IGF1R: variants seen among roughly 807,000 people sequenced by gnomAD.
The protein encoded by IGF1R is insulin-like growth factor 1 receptor.
In IGF1R, 44 loss-of-function variants were observed where a neutral mutation model predicts 144.6. That is an observed-to-expected ratio of 0.30 (90% CI 0.24 to 0.39). The LOEUF is 0.39. IGF1R is among the 10% of genes least tolerant of loss of function. The probability of loss-of-function intolerance (pLI) is 1.00; values close to 1 mark genes in which losing one functional copy is unlikely to be tolerated. For missense variants in IGF1R, 1,355 were observed against 1,833.7 expected (o/e 0.74, Z 4.77); for synonymous variants, 795 against 722.8 (o/e 1.10, Z -1.60).
In IGF1R at chr15:98,829,884, A is replaced by G. The variant is rs534611775; in HGVS notation, c.641-61441A>G. ...CTTTTCTCCGTGTACCTTGTTTTTC[A>G]TTGTAAAACTATTTAATTATGAAAA... On this transcript the variant is annotated intron_variant, in intron 2 of 20. Transcript: ENST00000650285. Among the ~76,000 whole-genome samples the G allele has an allele frequency of 1.9e-4, 29 of 152,310 alleles. 1 individual carries two copies. The South Asian group carries it at 5.4e-3, about 28-fold the overall frequency.
intron 1 of IGF1R, among the ~76,000 whole-genome samples, chr15:98,694,789 G>A (rs1422419736): frequency 6.6e-6 from 1 of 152,228 alleles, no homozygotes; most frequent in South Asian, 2.1e-4. Context: ...CATCAGCACT[G>A]AATAAAGAAT....
intron 2 of IGF1R, among the ~76,000 whole-genome samples, chr15:98,755,743 AAAAAAAAAAAG>A (rs1476056553): frequency 1.4e-4 from 18 of 127,810 alleles, no homozygotes; most frequent in Non-Finnish European, 2.0e-4. Flanking sequence ...AAAAAAAAAA[AAAAAAAAAAAG>A]GCATTACTGC....
At chr15:98,916,448 G>A (rs2015253280) in intron 9 of IGF1R, 11 of 586,138 alleles carry the variant, frequency 1.9e-5, no homozygotes, top group Non-Finnish European at 3.3e-5. Flanking sequence ...TTTTAGTAGA[G>A]ACGGGGTTTC....
At chr15:98,823,086 G>A (rs976677183) in intron 2 of IGF1R, among the ~76,000 whole-genome samples, 1 of 152,198 alleles carries the variant, frequency 6.6e-6, no homozygotes, top group African/African-American at 2.4e-5. Flanking sequence ...TGTGAAGAAA[G>A]TCATACACCA....
chr15:98,693,320 T>C (rs1465771799), intron 1 of IGF1R, among the ~76,000 whole-genome samples: 2 of 152,174 alleles, frequency 1.3e-5, no homozygotes, highest in African/African-American at 4.8e-5. Context: ...AGGGGCAAGA[T>C]TTACCACCCT....
intron 2 of IGF1R, among the ~76,000 whole-genome samples, chr15:98,878,160 G>A (rs1017201169): frequency 1.3e-5 from 2 of 152,246 alleles, no homozygotes; most frequent in African/African-American, 4.8e-5. Context: ...AGTTTTAGGA[G>A]ATGCAGCCAA....
chr15:98,783,506 A>G (rs2059420371), intron 2 of IGF1R, among the ~76,000 whole-genome samples: 1 of 152,134 alleles, frequency 6.6e-6, no homozygotes, highest in African/African-American at 2.4e-5. Context: ...TTATTGCTGA[A>G]TGGTATTCTG....
At chr15:98,828,793 T>TCC in intron 2 of IGF1R, among the ~76,000 whole-genome samples, 1 of 140,480 alleles carries the variant, frequency 7.1e-6, no homozygotes, top group East Asian at 2.1e-4. Flanking sequence ...TTTTTTTTTT[T>TCC]CCTATTTTGG....
chr15:98,872,801 A>G (rs1420292526), intron 2 of IGF1R, among the ~76,000 whole-genome samples: 1 of 152,056 alleles, frequency 6.6e-6, no homozygotes, highest in East Asian at 1.9e-4. Flanking sequence ...GATGAACTTA[A>G]GCATCTTAAA....
In IGF1R at chr15:98,913,105, A is replaced by C. The variant is rs1471109147; in HGVS notation, c.1651A>C (p.Met551Leu). Reference sequence around the variant, plus strand: ...TGCCTGCGGCTCCAACAGCTGGAACATGGTGGACGTGGACCTCCCGCCCAA... The same window carrying C: ...TGCCTGCGGCTCCAACAGCTGGAACCTGGTGGACGTGGACCTCCCGCCCAA... Reference protein sequence around the residue: ...QDACGSNSWNMVDVDLPPNKD... With the variant: ...QDACGSNSWNLVDVDLPPNKD... The change falls in exon 8 of 21, where the codon ATG (methionine) becomes CTG (leucine). Residue 551 changes from methionine (M) to leucine (L), a missense_variant. Transcript: ENST00000650285. 1 of 1,614,242 alleles carries C rather than the reference A, an allele frequency of 6.2e-7. No homozygotes were observed.
In IGF1R at chr15:98,788,148, C is replaced by G. The variant is rs138539121; in HGVS notation, c.640+80041C>G. ...ATGTGGGGTGACCTCCTACACATGC[C>G]CGTATGCTATTGTGTAGGAACAAAT... is the stretch of plus-strand genomic sequence containing the variant. On this transcript the variant is annotated intron_variant, in intron 2 of 20. Transcript: ENST00000650285. Among the ~76,000 whole-genome samples, 277 of 151,318 alleles carry G rather than the reference C, an allele frequency of 1.8e-3. 1 individual carries two copies. The highest frequency in any genetic ancestry group is 5.8e-3 in the South Asian group (28 of 4,794).
At chr15:98,837,596 C>T (rs948179815) in intron 2 of IGF1R, among the ~76,000 whole-genome samples, 6 of 151,840 alleles carry the variant, frequency 4.0e-5, no homozygotes, top group African/African-American at 1.4e-4. Flanking sequence ...AACTCCTGGC[C>T]TCCCACCTCA....
At chr15:98,730,486 C>T (rs970531349) in intron 2 of IGF1R, among the ~76,000 whole-genome samples, 1 of 152,128 alleles carries the variant, frequency 6.6e-6, no homozygotes, top group African/African-American at 2.4e-5. Flanking sequence ...AGGTCCTTTT[C>T]ACCCTGATTT....
intron 1 of IGF1R, among the ~76,000 whole-genome samples, chr15:98,694,546 A>T (rs1482762372): frequency 6.7e-6 from 1 of 149,092 alleles, no homozygotes; most frequent in Non-Finnish European, 1.5e-5. Flanking sequence ...GGTGGGGGGG[A>T]TGCAGGTGCC....
At chr15:98,806,251 G>A (rs537590725) in intron 2 of IGF1R, among the ~76,000 whole-genome samples, 50 of 152,210 alleles carry the variant, frequency 3.3e-4, no homozygotes, top group East Asian at 1.7e-3. Context: ...GGCGAGGTGT[G>A]GGGGGTGGCG....
intron 1 of IGF1R, among the ~76,000 whole-genome samples, chr15:98,652,097 G>A (rs2052383463): frequency 1.3e-5 from 2 of 152,212 alleles, no homozygotes; most frequent in African/African-American, 4.8e-5. Flanking sequence ...CTCTTTGAGT[G>A]TGATGGCAGT....
At chr15:98,779,044 T>A (rs1382447936) in intron 2 of IGF1R, among the ~76,000 whole-genome samples, 14 of 152,232 alleles carry the variant, frequency 9.2e-5, no homozygotes, top group Middle Eastern at 3.2e-3. Flanking sequence ...GTTTTATTCT[T>A]ACTAGCATCA....
intron 1 of IGF1R, among the ~76,000 whole-genome samples, chr15:98,653,120 T>C (rs1266128014): frequency 6.6e-6 from 1 of 152,118 alleles, no homozygotes; most frequent in Non-Finnish European, 1.5e-5. Flanking sequence ...CAACAGGGAT[T>C]CAATCCCGCA....
At chr15:98,883,638 C>T (rs1443170228) in intron 2 of IGF1R, among the ~76,000 whole-genome samples, 1 of 152,186 alleles carries the variant, frequency 6.6e-6, no homozygotes, top group Non-Finnish European at 1.5e-5. Context: ...GAGGCGAGAG[C>T]ATGGTGGCAC....
Sources: allele counts gnomAD v4.1 joint callset (sites outside exome capture counted in the v4.1 genomes callset), GRCh38; gene constraint gnomAD v4.1.1; transcripts MANE v1.5; gene names NCBI Gene and HGNC (gene_info 2026-07-23, HGNC 2026-07-21).